Variants in CASK observed in about 807,000 individuals in gnomAD.
CASK encodes calcium/calmodulin dependent serine protein kinase.
CASK carries 4 observed loss-of-function variants against 82.9 expected under a neutral mutation model. That is an observed-to-expected ratio of 0.05 (90% CI 0.02 to 0.11). The LOEUF is 0.11. Ranked by LOEUF, CASK falls within the 10% of genes least tolerant of loss-of-function variation. CASK has a pLI of 1.00. For missense variants in CASK, 358 were observed against 720.9 expected (o/e 0.50, Z 5.76); for synonymous variants, 259 against 253.5 (o/e 1.02, Z -0.20).
intron 2 of CASK, among the ~76,000 whole-genome samples, chrX:41,842,416 C>A (rs763654271): frequency 9.2e-6 from 1 of 108,554 alleles, no homozygotes; most frequent in East Asian, 2.9e-4. Context: ...ACTAATAATA[C>A]AAAAAAAATA....
chrX:41,780,078 T>C (rs760815087), intron 3 of CASK, among the ~76,000 whole-genome samples: 1 of 111,856 alleles, frequency 8.9e-6, no homozygotes, highest in South Asian at 3.7e-4. Context: ...CCGTGGTATA[T>C]GTAATCGCTC....
intron 3 of CASK, among the ~76,000 whole-genome samples, chrX:41,761,616 A>C (rs1298233219): frequency 8.9e-6 from 1 of 112,395 alleles, no homozygotes; most frequent in Non-Finnish European, 1.9e-5. Flanking sequence ...CAGAAGCACA[A>C]GCATAGGTAT....
intron 2 of CASK, among the ~76,000 whole-genome samples, chrX:41,848,147 C>A (rs781688583): frequency 8.9e-6 from 1 of 112,413 alleles, no homozygotes. Flanking sequence ...TAAACAACTA[C>A]CTCTAAAGGT....
In CASK at chrX:41,823,424, C is replaced by T. The variant is rs1373915212; in HGVS notation, c.172+29691G>A. ...AATCGCTACCCCTGCCTCCACATGCCCCTGCATCTATGACTGTTTCTCTCT... is the reference window on the plus strand; with the variant it reads ...AATCGCTACCCCTGCCTCCACATGCTCCTGCATCTATGACTGTTTCTCTCT... On this transcript the variant is annotated intron_variant, in intron 2 of 26. Coordinates refer to ENST00000378163, the MANE Select transcript of CASK (RefSeq NM_001367721.1). Among the ~76,000 whole-genome samples the T allele has an allele frequency of 7.2e-5, 8 of 110,502 alleles. No individual in the cohort carries two copies. In the Admixed American group the frequency reaches 7.7e-4, roughly 11 times the overall value.
At chrX:41,650,476 C>G (rs1165912480) in intron 8 of CASK, among the ~76,000 whole-genome samples, 2 of 107,224 alleles carry the variant, frequency 1.9e-5, no homozygotes, top group East Asian at 5.8e-4. Context: ...TTGTTTTTGA[C>G]ACAAAGCAAT....
At chrX:41,654,984 A>T (rs1426727809) in intron 8 of CASK, among the ~76,000 whole-genome samples, 5 of 97,816 alleles carry the variant, frequency 5.1e-5, no homozygotes, top group African/African-American at 1.9e-4. Context: ...GGGACTCAAC[A>T]TTTTTTTTTT....
chrX:41,582,411 G>A (rs749597254), intron 14 of CASK, among the ~76,000 whole-genome samples: 137 of 111,577 alleles, frequency 1.2e-3, no homozygotes, highest in Middle Eastern at 9.1e-3. Flanking sequence ...TGCCTCCTGC[G>A]TTCAAGAGAT....
chrX:41,777,324 T>C (rs1022622819), intron 3 of CASK, among the ~76,000 whole-genome samples: 3 of 109,821 alleles, frequency 2.7e-5, no homozygotes, highest in African/African-American at 1.0e-4. Flanking sequence ...AAACCCTGTC[T>C]CTACTAAAAA....
At chrX:41,790,128 TTCTTTCAGAAGCAAACCA>T in intron 2 of CASK, 1 of 741,442 alleles carries the variant, frequency 1.3e-6, no homozygotes, top group Non-Finnish European at 1.7e-6. Context: ...ACTTTTTTTT[TTCTTTCAGAAGCAAACCA>T]TCACAAATGA....
Position 41,745,577 on chromosome X carries a change from A to G in CASK, c.303T>C (p.Phe101=), listed in dbSNP as rs373431768. Residue 101 remains phenylalanine, a synonymous_variant, in exon 4 of 27, where the codon TTT becomes TTC. Transcript: ENST00000378163. ...CAGCGTCAGCTCGCTTTACGATTTC[A>G]AAACACAGATCTGCTCCATCCATAC... The part of the protein sequence containing the change: ...FEFMDGADLC[F]EIVKRADAGF... 5 of 1,200,083 alleles carry G rather than the reference A, an allele frequency of 4.2e-6. No individual in the cohort carries two copies. The highest frequency in any genetic ancestry group is 5.6e-6 in the Non-Finnish European group (5 of 886,163).
intron 3 of CASK, among the ~76,000 whole-genome samples, chrX:41,763,506 T>A (rs1267890077): frequency 9.1e-6 from 1 of 110,138 alleles, no homozygotes; most frequent in African/African-American, 3.3e-5. Context: ...TACAAAAAAA[T>A]ACAAAAATTA....
At chrX:41,631,912 A>G (rs1254684149) in intron 9 of CASK, among the ~76,000 whole-genome samples, 1 of 111,190 alleles carries the variant, frequency 9.0e-6, no homozygotes, top group East Asian at 2.8e-4. Context: ...ATAAGTTTTC[A>G]GTTTTTAGAA....
chrX:41,727,676 T>C (rs1173793164), intron 5 of CASK: 59 of 1,200,468 alleles, frequency 4.9e-5, no homozygotes, highest in Non-Finnish European at 6.4e-5. Context: ...TTTTTAGTAG[T>C]ACTAACATCA....
At chrX:41,664,700 G>A (rs2067087531) in intron 7 of CASK, among the ~76,000 whole-genome samples, 1 of 112,163 alleles carries the variant, frequency 8.9e-6, no homozygotes, top group Admixed American at 9.4e-5. Flanking sequence ...CATAAAGTCA[G>A]TAATGAATTT....
chrX:41,735,529 T>C (rs1297579582), intron 5 of CASK, among the ~76,000 whole-genome samples: 2 of 111,469 alleles, frequency 1.8e-5, no homozygotes, highest in Admixed American at 1.9e-4. Context: ...GGAAATCCTA[T>C]TGGCATAATC....
intron 2 of CASK, among the ~76,000 whole-genome samples, chrX:41,829,152 T>C (rs2070732680): frequency 9.0e-6 from 1 of 111,282 alleles, no homozygotes; most frequent in Non-Finnish European, 1.9e-5. Flanking sequence ...CTTCGGACAA[T>C]GTATACCTAT....
intron 1 of CASK, among the ~76,000 whole-genome samples, chrX:41,868,153 C>T (rs2071625249): frequency 9.0e-6 from 1 of 111,490 alleles, no homozygotes; most frequent in South Asian, 3.8e-4. Flanking sequence ...AACATTTTGG[C>T]CAATGACTGT....
chrX:41,792,231 A>T (rs1009672890), intron 2 of CASK, among the ~76,000 whole-genome samples: 3 of 110,964 alleles, frequency 2.7e-5, no homozygotes, highest in African/African-American at 9.8e-5. Context: ...TTCTATCTGT[A>T]TCTGAACTTA....
At chrX:41,731,559 A>G (rs950541862) in intron 5 of CASK, among the ~76,000 whole-genome samples, 4 of 112,655 alleles carry the variant, frequency 3.6e-5, no homozygotes, top group Non-Finnish European at 7.5e-5. Context: ...GAAAAGAGAT[A>G]TGCAATTTCT....
Sources: gnomAD v4.1 joint callset for allele counts (sites outside exome capture counted in the v4.1 genomes callset) on GRCh38, gnomAD v4.1.1 for gene constraint, MANE v1.5 for transcripts, NCBI Gene and HGNC (gene_info 2026-07-23, HGNC 2026-07-21) for gene names.